The following LTF variants were observed in gnomAD, a reference collection of about 807,000 sequenced individuals.
The protein encoded by LTF is lactotransferrin, also known as epididymis luminal protein 110.
In LTF, 91 loss-of-function variants were observed where a neutral mutation model predicts 87.2. That is an observed-to-expected ratio of 1.04 (90% CI 0.88 to 1.24). LTF has a LOEUF of 1.24. LTF is among the 50% of genes most tolerant of loss of function. The probability of loss-of-function intolerance (pLI) is 0.00; values close to 1 mark genes in which losing one functional copy is unlikely to be tolerated. For missense variants in LTF, 901 were observed against 904.3 expected, an observed-to-expected ratio of 1.00 and a Z score of 0.05; for synonymous variants, 378 against 356.1, an observed-to-expected ratio of 1.06 and a Z score of -0.69.
At position 46,455,408 on chromosome 3, in the gene LTF, G is replaced by A. The variant is rs149687900; in HGVS notation, c.534C>T (p.Pro178=). 797 of 1,614,182 alleles carry A rather than the reference G, an allele frequency of 4.9e-4. 3 individuals carry two copies. In the African/African-American group the frequency reaches 9.5e-3, roughly 19 times the overall value. Residue 178 remains proline (P), a synonymous_variant, in exon 5 of 17, where the codon CCC becomes CCT. Transcript: ENST00000231751. Reference sequence around the variant, plus strand: ...TGGGGAACTGTCCTTTATCTGCACCGGGAACACAGCTGGCTGAGAAGAACC... The same window carrying A: ...TGGGGAACTGTCCTTTATCTGCACCAGGAACACAGCTGGCTGAGAAGAACC... ...VARFFSASCV[P]GADKGQFPNL...
intron 1 of LTF, among the ~76,000 whole-genome samples, chr3:46,472,616 G>C (rs1265570803): frequency 6.7e-6 from 1 of 149,488 alleles, no homozygotes; most frequent in Admixed American, 6.7e-5. Context: ...CAGCAGCCTC[G>C]AACTCCCAGG....
intron 1 of LTF, among the ~76,000 whole-genome samples, chr3:46,472,038 G>A (rs1361226666): frequency 2.6e-5 from 4 of 152,030 alleles, no homozygotes; most frequent in South Asian, 2.1e-4. Context: ...TCCCTGTGTC[G>A]CTCTTTCTGG....
chr3:46,450,513 A>G lies in LTF; in HGVS notation c.864T>C (p.Asn288=), dbSNP rs774029613. 4 of 1,613,032 alleles carry G rather than the reference A, an allele frequency of 2.5e-6. No homozygotes were observed. The highest frequency in any genetic ancestry group is 3.4e-6 in the Non-Finnish European group (4 of 1,179,834). Residue 288 remains asparagine (N), a synonymous_variant, in exon 7 of 17, where the codon AAT becomes AAC. Coordinates refer to ENST00000231751, the MANE Select transcript of LTF (RefSeq NM_002343.6). ...SVNGKEDAIW[N]LLRQAQEKFG... is the part of the protein sequence containing the mutation. ...AAGATACCTGTGCCTGGCGGAGAAGATTCCAGATGGCATCCTCCTTGCCAT... is the reference window on the plus strand; with the variant it reads ...AAGATACCTGTGCCTGGCGGAGAAGGTTCCAGATGGCATCCTCCTTGCCAT...
chr3:46,463,373 G>T, intron 1 of LTF: 1 of 774,572 alleles, frequency 1.3e-6, no homozygotes, highest in Non-Finnish European at 1.6e-6. Context: ...CCAGCCCATG[G>T]CTCCAGGGCT....
rs374929244 is a variant in LTF at position 46,454,304 on chromosome 3, C to T, written c.703+1G>A. 9.0e-5 allele frequency: 146 copies of T among 1,613,972 alleles called. No individual in the cohort carries two copies. The highest frequency in any genetic ancestry group is 1.1e-4 in the Non-Finnish European group (133 of 1,179,958). ...CCCACGGCTCATTACCCTGCTCTTA[C>T]CAAACACTGTGCTCTCTCTGATAAA... On this transcript the variant is annotated splice_donor_variant, in intron 6 of 16. Coordinates refer to ENST00000231751, the MANE Select transcript of LTF (RefSeq NM_002343.6). LOFTEE classifies it high-confidence loss of function.
At chr3:46,479,219 G>A (rs953437481) in intron 1 of LTF, among the ~76,000 whole-genome samples, 6 of 152,228 alleles carry the variant, frequency 3.9e-5, no homozygotes, top group Admixed American at 3.9e-4. Flanking sequence ...GGGGCAGCCT[G>A]ACCTGTGACA....
chr3:46,448,977 C>T lies in LTF; in HGVS notation c.1098G>A (p.Trp366Ter). The T allele has an allele frequency of 6.2e-7, 1 of 1,612,904 alleles. No homozygotes were observed. The highest frequency in any genetic ancestry group is 1.1e-5 in the South Asian group (1 of 91,008). ...EVAARRARVV[W>*]CAVGEQELRK... ...GCAGCTCCTGCTCGCCCACCGCACACCACACGACCCGCGCACGCCGGGCAG... is the reference window on the plus strand; with the variant it reads ...GCAGCTCCTGCTCGCCCACCGCACATCACACGACCCGCGCACGCCGGGCAG... The change falls in exon 9 of 17, where the codon TGG (tryptophan) becomes TGA (stop). Residue 366 changes from tryptophan to a stop codon, truncating the protein, a stop_gained. Coordinates refer to ENST00000231751, the MANE Select transcript of LTF (RefSeq NM_002343.6). LOFTEE classifies it high-confidence loss of function.
chr3:46,469,098 G>A (rs1400852322), upstream of LTF, among the ~76,000 whole-genome samples: 1 of 152,218 alleles, frequency 6.6e-6, no homozygotes, highest in Non-Finnish European at 1.5e-5. Context: ...AATCCAAATA[G>A]TGCTGTCAGT....
At chr3:46,450,936 G>A (rs914333617) in intron 6 of LTF, among the ~76,000 whole-genome samples, 1 of 152,168 alleles carries the variant, frequency 6.6e-6, no homozygotes, top group Non-Finnish European at 1.5e-5. Flanking sequence ...CTGCCTGGCA[G>A]GCCAGAGAGG....
chr3:46,445,871 T>A (rs545090219), intron 11 of LTF, among the ~76,000 whole-genome samples: 1 of 152,234 alleles, frequency 6.6e-6, no homozygotes, highest in Non-Finnish European at 1.5e-5. Context: ...CAGGGGCACA[T>A]GTCCCCAGGG....
chr3:46,470,705 C>T (rs991543193), intron 1 of LTF, among the ~76,000 whole-genome samples: 1 of 152,168 alleles, frequency 6.6e-6, no homozygotes, highest in Non-Finnish European at 1.5e-5. Flanking sequence ...GACGGGAAGG[C>T]ATGGGGAGAG....
chr3:46,475,695 CTTTTT>C (rs1360400016), intron 1 of LTF, among the ~76,000 whole-genome samples: 1 of 152,152 alleles, frequency 6.6e-6, no homozygotes, highest in Non-Finnish European at 1.5e-5. Context: ...GCCAAGTAAT[CTTTTT>C]TAAGTTAAAA....
chr3:46,472,453 A>G (rs1703303699), intron 1 of LTF, among the ~76,000 whole-genome samples: 1 of 149,688 alleles, frequency 6.7e-6, no homozygotes, highest in Non-Finnish European at 1.5e-5. Flanking sequence ...TCCAGAGGGT[A>G]TTAATCTCCA....
intron 1 of LTF, among the ~76,000 whole-genome samples, chr3:46,484,263 A>T (rs965065379): frequency 6.6e-6 from 1 of 152,220 alleles, no homozygotes; most frequent in Non-Finnish European, 1.5e-5. Context: ...TCTGGCTAGC[A>T]AAGGGTAAAA....
chr3:46,455,290 C>T lies in LTF; in HGVS notation c.647+5G>A, dbSNP rs755899923. On this transcript the variant is annotated splice_donor_5th_base_variant and intron_variant, in intron 5 of 16. Transcript: ENST00000231751. ...CACTGACGAGAAGGGGACAGGGTCACTCACTTGAAGGCACCAGAGTAGCTG... is the reference window on the plus strand; with the variant it reads ...CACTGACGAGAAGGGGACAGGGTCATTCACTTGAAGGCACCAGAGTAGCTG... 19 of 1,614,172 alleles carry T rather than the reference C, an allele frequency of 1.2e-5. No homozygotes were observed. Among genetic ancestry groups the T allele is most frequent in the Non-Finnish European group, 1.4e-5 (17 of 1,180,010 alleles).
intron 2 of LTF, 142 bp downstream of exon 2, chr3:46,459,514 T>G (rs1703022251): frequency 1.4e-6 from 1 of 736,500 alleles, no homozygotes; most frequent in African/African-American, 1.8e-5. Context: ...ATAGCACAGT[T>G]CCCTGTGAGA....
chr3:46,464,702 C>T (rs1363188658), intron 1 of LTF, 123 bp downstream of exon 1: 1 of 1,068,848 alleles, frequency 9.4e-7, no homozygotes, highest in Non-Finnish European at 1.4e-6. Flanking sequence ...GCTGTAGGCG[C>T]TGGGACCGCG....
At chr3:46,443,687 A>G in intron 12 of LTF, 105 bp from the exon 13 acceptor site, 1 of 1,052,236 alleles carries the variant, frequency 9.5e-7, no homozygotes, top group South Asian at 1.4e-5. Context: ...TAGACTTCCC[A>G]GGACAGCAAT....
intron 1 of LTF, among the ~76,000 whole-genome samples, chr3:46,477,807 T>C (rs1039448945): frequency 7.2e-5 from 11 of 152,236 alleles, no homozygotes; most frequent in African/African-American, 2.7e-4. Context: ...ATTGTTTCCA[T>C]GCATTTCTGG....
Sources: allele counts gnomAD v4.1 joint callset (sites outside exome capture counted in the v4.1 genomes callset), GRCh38; gene constraint gnomAD v4.1.1; transcripts MANE v1.5; gene names NCBI Gene and HGNC (gene_info 2026-07-23, HGNC 2026-07-21).